The following RAMP1 variants were observed in gnomAD, a reference collection of about 807,000 sequenced individuals.
RAMP1 encodes the protein receptor activity modifying protein 1.
A neutral mutation model predicts 8.2 loss-of-function variants in RAMP1; 7 were observed. That is an observed-to-expected ratio of 0.85 (90% CI 0.49 to 1.60). The LOEUF is 1.60. Ranked by LOEUF, RAMP1 falls within the 40% of genes most tolerant of loss-of-function variation. The pLI, the probability that RAMP1 is intolerant of heterozygous loss-of-function variation, is 0.00. For missense variants in RAMP1, 192 were observed against 202.4 expected (o/e 0.95, Z 0.31); for synonymous variants, 92 against 84.7 (o/e 1.09, Z -0.47).
intron 1 of RAMP1, among the ~76,000 whole-genome samples, chr2:237,874,250 G>C (rs774055091): frequency 1.3e-5 from 2 of 152,258 alleles, no homozygotes; most frequent in Non-Finnish European, 2.9e-5. Context: ...GACAGCAGGA[G>C]ATTGACCTGA....
chr2:237,906,142 G>GT (rs1257863427), intron 2 of RAMP1, among the ~76,000 whole-genome samples: 1 of 151,930 alleles, frequency 6.6e-6, no homozygotes, highest in African/African-American at 2.4e-5. Flanking sequence ...GCACTCATTC[G>GT]TTTTTCCCCC....
Position 237,874,618 on chromosome 2 carries a change from C to T in RAMP1, c.53-2606C>T, listed in dbSNP as rs375256447. 5 of 972,846 alleles carry T rather than the reference C, an allele frequency of 5.1e-6. No individual in the cohort carries two copies. In the East Asian group the frequency reaches 3.4e-4, roughly 66 times the overall value. 60.3% of individuals were successfully genotyped at this position (972,846 alleles called of 1,614,324 possible). ...GAGGGGAGTCTGCAGTGGTTCATGA[C>T]CCTGACACCCAATCTTTCCACTCCA... On this transcript the variant is annotated intron_variant, in intron 1 of 2. Transcript: ENST00000254661.
intron 1 of RAMP1, among the ~76,000 whole-genome samples, chr2:237,863,584 T>G (rs940938357): frequency 1.3e-5 from 2 of 152,206 alleles, no homozygotes; most frequent in Non-Finnish European, 2.9e-5. Context: ...GAAAAATATT[T>G]TTTTCCTAAG....
In RAMP1 at chr2:237,877,124, G is replaced by A. The variant is rs573762538; in HGVS notation, c.53-100G>A. 2.0e-5 allele frequency: 30 copies of A among 1,519,646 alleles called. No individual in the cohort carries two copies. The highest frequency in any genetic ancestry group is 1.4e-4 in the Admixed American group (8 of 58,946). 94.1% of individuals were successfully genotyped at this position (1,519,646 alleles called of 1,614,324 possible). On this transcript the variant is annotated intron_variant, in intron 1 of 2. Transcript: ENST00000254661. The surrounding 1 kb of genome is among the most constrained non-coding windows in gnomAD (Gnocchi z 4.4). ...TCTCCAGGGGTTGCTTAGAGGCCCC[G>A]TTCTCGTGGAGTCCGGGCTGCAGGG...
rs745619605 is a variant in RAMP1, at chr2:237,911,678, G to A, written c.342G>A (p.Pro114=). The change falls in exon 3 of 3, where the codon CCG becomes CCA. Residue 114 remains proline (P), a synonymous_variant. Coordinates refer to ENST00000254661, the MANE Select transcript of RAMP1 (RefSeq NM_005855.4). ...CPISGRAVRD[P]PGSILYPFIV... is the part of the protein sequence containing the mutation. ...TCTCAGGCAGGGCCGTGCGGGACCC[G>A]CCCGGCAGCATCCTCTACCCCTTCA... 5.8e-5 allele frequency: 93 copies of A among 1,613,280 alleles called. No homozygotes were observed. Among genetic ancestry groups the A allele is most frequent in the Middle Eastern group, 1.6e-4 (1 of 6,076 alleles).
intron 2 of RAMP1, among the ~76,000 whole-genome samples, chr2:237,882,111 C>T (rs1486394454): frequency 1.3e-5 from 2 of 152,118 alleles, no homozygotes; most frequent in East Asian, 1.9e-4. Flanking sequence ...TTTCTGGATG[C>T]GCTACCCACT....
chr2:237,898,148 C>G (rs2062561641), intron 2 of RAMP1, among the ~76,000 whole-genome samples: 1 of 152,152 alleles, frequency 6.6e-6, no homozygotes, highest in Non-Finnish European at 1.5e-5. Flanking sequence ...TCCCCTTATG[C>G]TGTTGGGAAA....
chr2:237,878,498 G>A lies in RAMP1; in HGVS notation c.191+1136G>A, dbSNP rs1169349881. Among the ~76,000 whole-genome samples the A allele has an allele frequency of 6.6e-6, 1 of 152,216 alleles. No individual in the cohort carries two copies. The highest frequency in any genetic ancestry group is 1.5e-5 in the Non-Finnish European group (1 of 68,036). ...GCGTGAGCACAGGGAGAAAGCCCAC[G>A]GCTGGGAGGCCCTGAGGCTGGGTGG... is the stretch of plus-strand genomic sequence containing the variant. On this transcript the variant is annotated intron_variant, in intron 2 of 2. Coordinates refer to ENST00000254661, the MANE Select transcript of RAMP1 (RefSeq NM_005855.4). This position sits in a 1 kb window ranked among gnomAD's most constrained non-coding sequence, Gnocchi z 5.7.
chr2:237,888,777 G>C (rs1366027575), intron 2 of RAMP1, among the ~76,000 whole-genome samples: 1 of 151,336 alleles, frequency 6.6e-6, no homozygotes. Flanking sequence ...TCTTTTTTTT[G>C]TTTGTTTGTT....
chr2:237,900,239 A>G (rs1482364582), intron 2 of RAMP1, among the ~76,000 whole-genome samples: 2 of 152,150 alleles, frequency 1.3e-5, no homozygotes, highest in Non-Finnish European at 2.9e-5. Context: ...GACTCACTGC[A>G]ACCTCTGCCT....
chr2:237,886,120 C>T (rs945005561), intron 2 of RAMP1, among the ~76,000 whole-genome samples: 1 of 152,164 alleles, frequency 6.6e-6, no homozygotes, highest in Admixed American at 6.5e-5. Flanking sequence ...GCCGGGGTGC[C>T]GGGTCCCCAT....
Position 237,911,749 on chromosome 2 carries a change from T to C in RAMP1, c.413T>C (p.Val138Ala). The change falls in exon 3 of 3, where the codon GTC becomes GCC. Residue 138 changes from valine (V) to alanine (A), a missense_variant. Transcript: ENST00000254661. ...ACCCTGCTGGTGACGGCACTGGTGG[T>C]CTGGCAGAGCAAGCGCACTGAGGGC... ...TVTLLVTALV[V>A]WQSKRTEGIV 1.2e-6 allele frequency: 2 copies of C among 1,612,512 alleles called. No homozygotes were observed. Among genetic ancestry groups the C allele is most frequent in the Non-Finnish European group, 1.7e-6 (2 of 1,179,460 alleles).
chr2:237,861,892 C>T (rs1304972334), intron 1 of RAMP1, among the ~76,000 whole-genome samples: 2 of 152,050 alleles, frequency 1.3e-5, no homozygotes, highest in Admixed American at 6.5e-5. Flanking sequence ...AGTTCTTTTC[C>T]CTCTGAGCAT....
At chr2:237,879,128 G>A (rs1231418778) in intron 2 of RAMP1, among the ~76,000 whole-genome samples, 1 of 152,232 alleles carries the variant, frequency 6.6e-6, no homozygotes, top group Admixed American at 6.5e-5. Flanking sequence ...TGCCACAGCT[G>A]AGTCATTTGT....
intron 2 of RAMP1, among the ~76,000 whole-genome samples, chr2:237,879,485 T>A (rs13424697): frequency 4.9e-4 from 68 of 138,798 alleles, no homozygotes; most frequent in South Asian, 3.3e-3. Flanking sequence ...TTTTCGTTTT[T>A]TTATTATTAT....
intron 1 of RAMP1, among the ~76,000 whole-genome samples, chr2:237,866,474 G>T (rs1215839411): frequency 2.0e-5 from 3 of 152,106 alleles, no homozygotes; most frequent in African/African-American, 7.2e-5. Context: ...GTCGTACTGT[G>T]TTGGAGAGTG....
chr2:237,871,692 G>T (rs1231472711), intron 1 of RAMP1, among the ~76,000 whole-genome samples: 2 of 152,134 alleles, frequency 1.3e-5, no homozygotes, highest in African/African-American at 4.8e-5. Flanking sequence ...AAATAATCTG[G>T]ACACGCTCCT....
chr2:237,877,496 G>A lies in RAMP1; in HGVS notation c.191+134G>A, dbSNP rs908742471. 13 of 1,239,284 alleles carry A rather than the reference G, an allele frequency of 1.0e-5. No individual in the cohort carries two copies. The highest frequency in any genetic ancestry group is 2.8e-5 in the Admixed American group (1 of 35,956). The allele number at this position is 1,239,284 out of a possible 1,614,324, so 76.8% of individuals were successfully genotyped here. A position where few individuals can be genotyped will look rare whatever the true frequency, so the allele number is the denominator to read the frequency against. ...GAAGGGTTCTTCCCCCAGTGGGGGG[G>A]GCCGGGATGAAGACAGAGGAGGGAG... On this transcript the variant is annotated intron_variant, in intron 2 of 2. Coordinates refer to ENST00000254661, the MANE Select transcript of RAMP1 (RefSeq NM_005855.4). The surrounding 1 kb of genome is among the most constrained non-coding windows in gnomAD (Gnocchi z 4.4).
At chr2:237,902,141 C>T (rs566138840) in intron 2 of RAMP1, among the ~76,000 whole-genome samples, 11 of 152,100 alleles carry the variant, frequency 7.2e-5, no homozygotes, top group East Asian at 1.9e-4. Flanking sequence ...GAGCACTTCG[C>T]GGGGGATGCC....
Sources: allele counts gnomAD v4.1 joint callset (sites outside exome capture counted in the v4.1 genomes callset), GRCh38; gene constraint gnomAD v4.1.1; non-coding constraint Gnocchi (gnomAD v3.1); transcripts MANE v1.5; gene names NCBI Gene and HGNC (gene_info 2026-07-23, HGNC 2026-07-21).